GPRC6A: variants seen among roughly 807,000 people sequenced by gnomAD.
The protein encoded by GPRC6A is G protein-coupled receptor class C group 6 member A.
In GPRC6A, 54 loss-of-function variants were observed where a neutral mutation model predicts 47.0. The ratio of observed to expected loss-of-function variants is 1.15; its 90% CI spans 0.92 to 1.44. The LOEUF (loss-of-function observed/expected upper bound fraction) is 1.44, where lower values mean the gene tolerates loss of function less well. GPRC6A is among the 40% of genes most tolerant of loss of function. The pLI, the probability that GPRC6A is intolerant of heterozygous loss-of-function variation, is 0.00. For missense variants in GPRC6A, 1,112 were observed against 1,105.5 expected (o/e 1.01, Z -0.08); for synonymous variants, 347 against 377.1 (o/e 0.92, Z 0.93).
chr6:116,793,127 A>T lies in GPRC6A; in HGVS notation c.1796T>A (p.Ile599Asn). Residue 599 changes from isoleucine to asparagine, a missense_variant, in exon 6 of 6, where the codon ATT becomes AAT. By Grantham distance (149) the Ile-to-Asn change is moderately radical (BLOSUM62 -3). Coordinates refer to ENST00000310357, the MANE Select transcript of GPRC6A (RefSeq NM_148963.4). Reference sequence around the variant, plus strand: ...AAATATGATTCCCAGTAGGGAGAGAATCAGGAGTAGGATGGCCAAGGAGTC... The same window carrying T: ...AAATATGATTCCCAGTAGGGAGAGATTCAGGAGTAGGATGGCCAAGGAGTC... ...WNDSLAILLL[I>N]LSLLGIIFVL... 1 of 1,613,748 alleles carries T rather than the reference A, an allele frequency of 6.2e-7. No individual in the cohort carries two copies. The highest frequency in any genetic ancestry group is 1.1e-5 in the South Asian group (1 of 91,072).
intron 4 of GPRC6A, 74 bp from the exon 5 acceptor site, chr6:116,795,909 T>A: frequency 1.0e-6 from 1 of 976,330 alleles, no homozygotes; most frequent in Non-Finnish European, 1.5e-6. Flanking sequence ...ATCCTCGGCT[T>A]AACTTAAAGA....
Position 116,824,802 on chromosome 6 carries a change from T to C in GPRC6A, c.194+4018A>G, listed in dbSNP as rs117616029. 6.0e-3 allele frequency among the ~76,000 whole-genome samples: 916 copies of C among 151,948 alleles called. 2 individuals are homozygous for C. The highest frequency in any genetic ancestry group is 0.017 in the Middle Eastern group (5 of 294). On this transcript the variant is annotated intron_variant, in intron 1 of 5. Transcript: ENST00000310357. ...AGGACACAATGAAAAAAGAAAACCA[T>C]AGACCAATATCTCTGATGAACATAC...
intron 5 of GPRC6A, among the ~76,000 whole-genome samples, chr6:116,794,520 C>T (rs1287604446): frequency 2.0e-5 from 3 of 152,098 alleles, no homozygotes; most frequent in Non-Finnish European, 4.4e-5. Flanking sequence ...TTCTTGGAAG[C>T]GACTTACCCT....
chr6:116,793,895 A>G (rs1042021481), intron 5 of GPRC6A, among the ~76,000 whole-genome samples: 2 of 152,204 alleles, frequency 1.3e-5, no homozygotes, highest in African/African-American at 4.8e-5. Flanking sequence ...GTCTCTTTCT[A>G]AAAGTGAGAT....
intron 1 of GPRC6A, among the ~76,000 whole-genome samples, chr6:116,817,512 C>T (rs910220249): frequency 7.9e-5 from 12 of 152,320 alleles, no homozygotes; most frequent in Middle Eastern, 3.4e-3. Context: ...AGTTCCTCAC[C>T]AGCAACAGAA....
intron 2 of GPRC6A, 138 bp downstream of exon 2, chr6:116,809,176 G>A: frequency 3.1e-6 from 2 of 644,502 alleles, no homozygotes; most frequent in Non-Finnish European, 5.3e-6. Flanking sequence ...CTGTAATGGT[G>A]TGCATCCTTT....
chr6:116,816,593 G>T (rs1446984897), intron 1 of GPRC6A, among the ~76,000 whole-genome samples: 1 of 152,362 alleles, frequency 6.6e-6, no homozygotes, highest in Non-Finnish European at 1.5e-5. Flanking sequence ...CGACGCAGAA[G>T]ACGGGTGATT....
chr6:116,822,891 T>TAAAAAA (rs757893318), intron 1 of GPRC6A, among the ~76,000 whole-genome samples: 1 of 117,502 alleles, frequency 8.5e-6, no homozygotes, highest in Non-Finnish European at 1.8e-5. Flanking sequence ...TACTAGTCTC[T>TAAAAAA]AAAAAAAAAA....
At chr6:116,802,673 A>G (rs17078381) in intron 3 of GPRC6A, among the ~76,000 whole-genome samples, 3,984 of 152,190 alleles carry the variant, frequency 0.026, 152 homozygotes, top group African/African-American at 0.091. Flanking sequence ...TGTGAAGCAG[A>G]AAACACATTG....
At chr6:116,817,227 C>A (rs867399013) in intron 1 of GPRC6A, among the ~76,000 whole-genome samples, 2 of 151,636 alleles carry the variant, frequency 1.3e-5, no homozygotes, top group South Asian at 2.1e-4. Flanking sequence ...GGGTCCCTGA[C>A]CCCTGACCCC....
At chr6:116,826,287 C>T (rs182409621) in intron 1 of GPRC6A, among the ~76,000 whole-genome samples, 1 of 151,816 alleles carries the variant, frequency 6.6e-6, no homozygotes, top group East Asian at 1.9e-4. Context: ...GCAGACTATT[C>T]ATCCAACAAC....
Position 116,800,687 on chromosome 6 carries a change from A to G in GPRC6A, c.1445T>C (p.Ile482Thr), listed in dbSNP as rs138434111. Reference protein sequence around the residue: ...TGYDVVLWKEINGHMTVTKMA... With the variant: ...TGYDVVLWKETNGHMTVTKMA... The stretch of plus-strand genomic sequence containing the variant: ...CTTAGTGACAGTCATGTGTCCATTG[A>G]TCTCCTTCCAGAGCACAACATCATA... Residue 482 changes from isoleucine to threonine, a missense_variant, in exon 4 of 6, where the codon ATC becomes ACC. By Grantham distance (89) the Ile-to-Thr change is moderately conservative (BLOSUM62 -1). Coordinates refer to ENST00000310357, the MANE Select transcript of GPRC6A (RefSeq NM_148963.4). 309 of 1,610,664 alleles carry G rather than the reference A, an allele frequency of 1.9e-4. 1 individual carries two copies. The East Asian group carries it at 2.7e-3, about 14-fold the overall frequency.
In GPRC6A at chr6:116,799,233, T is replaced by A. The variant is rs1055655690; in HGVS notation, c.1548+1351A>T. On this transcript the variant is annotated intron_variant, in intron 4 of 5. Transcript: ENST00000310357. Reference sequence around the variant, plus strand: ...TAGGCAGTTGTATATTTATTTGGGTTAGAAGTCAGAAGATAAAAATCTAAT... The same window carrying A: ...TAGGCAGTTGTATATTTATTTGGGTAAGAAGTCAGAAGATAAAAATCTAAT... Among the ~76,000 whole-genome samples, 3 of 152,262 alleles carry A rather than the reference T, an allele frequency of 2.0e-5. No homozygotes were observed. In the South Asian group the frequency reaches 6.2e-4, roughly 32 times the overall value.
At chr6:116,795,875 T>TA (rs778265339) in intron 4 of GPRC6A, 40 bp from the exon 5 acceptor site, 52 of 1,362,246 alleles carry the variant, frequency 3.8e-5, no homozygotes, top group South Asian at 5.2e-5. Flanking sequence ...AGTAAATTTG[T>TA]AAAAAAAATT....
At chr6:116,820,442 G>A (rs375674847) in intron 1 of GPRC6A, among the ~76,000 whole-genome samples, 1 of 152,028 alleles carries the variant, frequency 6.6e-6, no homozygotes, top group South Asian at 2.1e-4. Flanking sequence ...TGATGAACAT[G>A]GATGCAAAAA....
At chr6:116,794,037 G>A (rs1772400699) in intron 5 of GPRC6A, among the ~76,000 whole-genome samples, 1 of 152,172 alleles carries the variant, frequency 6.6e-6, no homozygotes, top group African/African-American at 2.4e-5. Context: ...TCTGGCTGCA[G>A]GGCAGCACAA....
intron 1 of GPRC6A, among the ~76,000 whole-genome samples, chr6:116,813,180 A>G (rs4529325): frequency 0.49 from 74,482 of 151,990 alleles, 18,858 homozygotes; most frequent in Middle Eastern, 0.61. Flanking sequence ...TGGCCATACT[A>G]CCCAAGGTAA....
At chr6:116,797,317 T>C (rs1036411321) in intron 4 of GPRC6A, among the ~76,000 whole-genome samples, 1 of 152,144 alleles carries the variant, frequency 6.6e-6, no homozygotes, top group Non-Finnish European at 1.5e-5. Context: ...CCAGACATTG[T>C]TAGGGTCCCC....
intron 1 of GPRC6A, among the ~76,000 whole-genome samples, chr6:116,822,610 A>G (rs963280812): frequency 4.1e-5 from 6 of 144,744 alleles, no homozygotes; most frequent in African/African-American, 1.3e-4. Context: ...CTATCGCAAG[A>G]ACAAAAAACC....
Sources: gnomAD v4.1 joint callset for allele counts (sites outside exome capture counted in the v4.1 genomes callset) on GRCh38, gnomAD v4.1.1 for gene constraint, MANE v1.5 for transcripts, NCBI Gene and HGNC (gene_info 2026-07-23, HGNC 2026-07-21) for gene names.